FBXL17: variants seen among roughly 807,000 people sequenced by gnomAD.
The protein encoded by FBXL17 is F-box and leucine rich repeat protein 17, also known as F-box/LRR-repeat protein 17.
FBXL17 carries 22 observed loss-of-function variants against 66.2 expected under a neutral mutation model. The ratio of observed to expected loss-of-function variants is 0.33; its 90% CI spans 0.24 to 0.47. The LOEUF is 0.47. Ranked by LOEUF, FBXL17 falls within the 20% of genes least tolerant of loss-of-function variation. The pLI is 1.00. For missense variants in FBXL17, 878 were observed against 948.2 expected (o/e 0.93, Z 0.97); for synonymous variants, 474 against 400.5 (o/e 1.18, Z -2.19).
At chr5:108,137,568 C>G (rs1012022854) in intron 6 of FBXL17, among the ~76,000 whole-genome samples, 1 of 152,106 alleles carries the variant, frequency 6.6e-6, no homozygotes, top group African/African-American at 2.4e-5. Context: ...GATAACTGCA[C>G]ACTGATGAGA....
chr5:108,162,442 C>T (rs1446873103), intron 6 of FBXL17, among the ~76,000 whole-genome samples: 3 of 152,006 alleles, frequency 2.0e-5, no homozygotes, highest in Non-Finnish European at 2.9e-5. Flanking sequence ...GTTACAGTGA[C>T]GTATGTCACT....
At chr5:108,282,654 T>C (rs1757745631) in intron 4 of FBXL17, among the ~76,000 whole-genome samples, 2 of 151,674 alleles carry the variant, frequency 1.3e-5, no homozygotes, top group African/African-American at 4.8e-5. Context: ...GTACTGAAAG[T>C]CTTAGCTAGA....
At chr5:108,223,438 A>AGAACT in intron 5 of FBXL17, among the ~76,000 whole-genome samples, 1 of 152,362 alleles carries the variant, frequency 6.6e-6, no homozygotes, top group East Asian at 1.9e-4. Flanking sequence ...ACTATAGGAT[A>AGAACT]GAACTGAAAT....
intron 3 of FBXL17, among the ~76,000 whole-genome samples, chr5:108,363,722 AACT>A (rs993230080): frequency 1.1e-4 from 17 of 152,104 alleles, no homozygotes; most frequent in African/African-American, 3.9e-4. Context: ...AAGTCTGCTA[AACT>A]ACTACCTATT....
chr5:108,371,619 A>C (rs1749042897), intron 1 of FBXL17, among the ~76,000 whole-genome samples: 1 of 152,222 alleles, frequency 6.6e-6, no homozygotes, highest in Non-Finnish European at 1.5e-5. Context: ...TCAACAATTT[A>C]AGACATGCTC....
chr5:108,154,013 CA>C (rs1314152317), intron 6 of FBXL17, among the ~76,000 whole-genome samples: 1 of 152,010 alleles, frequency 6.6e-6, no homozygotes, highest in Non-Finnish European at 1.5e-5. Context: ...ACTCTGCCAA[CA>C]AATCTGCCTC....
chr5:107,927,873 A>G (rs1305735541), intron 7 of FBXL17, among the ~76,000 whole-genome samples: 1 of 152,108 alleles, frequency 6.6e-6, no homozygotes, highest in Non-Finnish European at 1.5e-5. Flanking sequence ...GGCTTTTTTC[A>G]GATCATGTTG....
intron 6 of FBXL17, among the ~76,000 whole-genome samples, chr5:108,087,652 CT>C (rs1435167684): frequency 6.6e-6 from 1 of 152,034 alleles, no homozygotes; most frequent in Non-Finnish European, 1.5e-5. Flanking sequence ...AACAAAACAT[CT>C]CTGTCCTTTT....
At chr5:108,361,448 T>A (rs921971394) in intron 3 of FBXL17, among the ~76,000 whole-genome samples, 2 of 152,140 alleles carry the variant, frequency 1.3e-5, no homozygotes, top group Non-Finnish European at 2.9e-5. Context: ...CTTTACTTCC[T>A]GCTTGTACTG....
chr5:107,887,156 C>G (rs1040282852), intron 7 of FBXL17, among the ~76,000 whole-genome samples: 5 of 152,134 alleles, frequency 3.3e-5, no homozygotes, highest in Non-Finnish European at 5.9e-5. Context: ...GGGTGAAGAG[C>G]ATACGTGAAC....
intron 6 of FBXL17, among the ~76,000 whole-genome samples, chr5:108,049,059 G>A (rs978801942): frequency 3.9e-5 from 6 of 152,114 alleles, no homozygotes; most frequent in African/African-American, 1.4e-4. Context: ...GAAAGCCCAG[G>A]TCACCTACAA....
intron 6 of FBXL17, among the ~76,000 whole-genome samples, chr5:108,115,924 C>T (rs1181977607): frequency 6.6e-6 from 1 of 152,154 alleles, no homozygotes; most frequent in African/African-American, 2.4e-5. Context: ...TGTCCAAAAT[C>T]ACACTGAAAG....
intron 7 of FBXL17, among the ~76,000 whole-genome samples, chr5:107,989,946 G>T (rs1220617712): frequency 6.6e-6 from 1 of 152,162 alleles, no homozygotes; most frequent in African/African-American, 2.4e-5. Flanking sequence ...CTGGGCTCTA[G>T]AAGAAAGCTG....
intron 4 of FBXL17, among the ~76,000 whole-genome samples, chr5:108,323,124 G>T (rs1417846825): frequency 6.6e-6 from 1 of 151,762 alleles, no homozygotes; most frequent in East Asian, 1.9e-4. Flanking sequence ...GGGAAAAAAA[G>T]AAAGGAAAGA....
intron 4 of FBXL17, among the ~76,000 whole-genome samples, chr5:108,253,164 C>T: frequency 6.6e-6 from 1 of 152,122 alleles, no homozygotes; most frequent in Admixed American, 6.6e-5. Flanking sequence ...AAAAGCTTTC[C>T]CAACCTGTAC....
At chr5:108,149,160 T>A (rs1031916561) in intron 6 of FBXL17, among the ~76,000 whole-genome samples, 1 of 152,220 alleles carries the variant, frequency 6.6e-6, no homozygotes, top group Admixed American at 6.5e-5. Flanking sequence ...GACAATGATT[T>A]ATAGACATAT....
intron 4 of FBXL17, among the ~76,000 whole-genome samples, chr5:108,311,042 T>C (rs1264229110): frequency 6.6e-6 from 1 of 152,164 alleles, no homozygotes; most frequent in Non-Finnish European, 1.5e-5. Context: ...CAAATAAAAT[T>C]TGGGGCTGAA....
intron 1 of FBXL17, among the ~76,000 whole-genome samples, chr5:108,373,364 T>A (rs1580918411): frequency 2.2e-5 from 1 of 45,256 alleles, no homozygotes; most frequent in Non-Finnish European, 4.5e-5. Flanking sequence ...AAATATATAT[T>A]AATATAAATA....
At position 107,886,937 on chromosome 5, in the gene FBXL17, G is replaced by T. The variant is rs146345451; in HGVS notation, c.1823-5758C>A. On this transcript the variant is annotated intron_variant, in intron 7 of 8. Transcript: ENST00000542267. ...ATACAAAAAAAAAAAAAGGAACAAG[G>T]AACTGTTACAAATTGGAGGAAACTA... Among the ~76,000 whole-genome samples the T allele has an allele frequency of 2.0e-4, 29 of 148,558 alleles. 1 individual carries two copies. In the East Asian group the frequency reaches 3.9e-3, roughly 20 times the overall value.
Sources: allele counts gnomAD v4.1 joint callset (sites outside exome capture counted in the v4.1 genomes callset), GRCh38; gene constraint gnomAD v4.1.1; transcripts MANE v1.5; gene names NCBI Gene and HGNC (gene_info 2026-07-23, HGNC 2026-07-21).